The following KATNB1 variants were observed in gnomAD, a reference collection of about 807,000 sequenced individuals.
KATNB1 encodes katanin regulatory subunit B1.
KATNB1 carries 38 observed loss-of-function variants against 82.3 expected under a neutral mutation model. The ratio of observed to expected loss-of-function variants is 0.46; its 90% CI spans 0.36 to 0.61. The LOEUF (loss-of-function observed/expected upper bound fraction) is 0.61. Among genes scored for constraint, KATNB1 ranks in the 20% least tolerant of loss-of-function variants. The pLI is 0.00. For synonymous variants in KATNB1, 361 were observed against 368.7 expected (o/e 0.98, Z 0.24); for missense variants, 749 against 915.7 (o/e 0.82, Z 2.35).
Position 57,755,848 on chromosome 16 carries a change from T to G in KATNB1, c.1574T>G (p.Val525Gly). 6.3e-7 allele frequency: 1 copy of G among 1,588,058 alleles called. No homozygotes were observed. Among genetic ancestry groups the G allele is most frequent in the Non-Finnish European group, 8.6e-7 (1 of 1,160,346 alleles). The change falls in exon 17 of 20, where the codon GTG becomes GGG. Residue 525 changes from valine to glycine, a missense_variant. By Grantham distance (109) the Val-to-Gly change is moderately radical (BLOSUM62 -3). This residue lies in a region of KATNB1 where 407 missense variants were observed against 434.7 expected (regional missense o/e 0.94). Transcript: ENST00000379661. ...GGTGCTCTGTTTGCACAGACGTCGG[T>G]GGACTCCGCTGTGGCCATCAACGAC... ...VWTMGDIKTS[V>G]DSAVAINDLS... is the part of the protein sequence containing the mutation.
At position 57,756,998 on chromosome 16, in the gene KATNB1, C is replaced by G. The variant is rs1399189839; in HGVS notation, c.*52C>G. On this transcript the variant is annotated 3_prime_UTR_variant, in exon 20 of 20. Coordinates refer to ENST00000379661, the MANE Select transcript of KATNB1 (RefSeq NM_005886.3). ...CAGCCCACAGGGCCTGGCCTCAGCCCCCACTCCTGTTCCTTGTGCACCCAC... is the reference window on the plus strand; with the variant it reads ...CAGCCCACAGGGCCTGGCCTCAGCCGCCACTCCTGTTCCTTGTGCACCCAC... 55 of 1,453,276 alleles carry G rather than the reference C, an allele frequency of 3.8e-5. No individual in the cohort carries two copies. The Admixed American group carries it at 1.3e-3, about 36-fold the overall frequency. The allele number at this position is 1,453,276 out of a possible 1,614,324, so 90.0% of individuals were successfully genotyped here.
chr16:57,752,395 C>G, intron 8 of KATNB1, 135 bp from the exon 9 acceptor site: 1 of 823,294 alleles, frequency 1.2e-6, no homozygotes, highest in Non-Finnish European at 1.9e-6. Flanking sequence ...AAGTCAGGGC[C>G]AGCTCTGCCC....
rs1555585416 is a variant in KATNB1 at position 57,755,244 on chromosome 16, T to A, written c.1416+6T>A. 2 of 1,610,494 alleles carry A rather than the reference T, an allele frequency of 1.2e-6. No individual in the cohort carries two copies. Among genetic ancestry groups the A allele is most frequent in the Non-Finnish European group, 1.7e-6 (2 of 1,179,936 alleles). ...AGGCCTCCGACTTCCTGCCCGTGAG[T>A]AGGAGCCCAGCTCGAGGCATGGGTG... On this transcript the variant is annotated splice_donor_region_variant and intron_variant, in intron 15 of 19. Transcript: ENST00000379661.
chr16:57,756,272 C>A lies in KATNB1; in HGVS notation c.1719-84C>A. The A allele has an allele frequency of 3.1e-6, 4 of 1,290,100 alleles. No individual in the cohort carries two copies. The South Asian group carries it at 4.9e-5, about 16-fold the overall frequency. The allele number at this position is 1,290,100 out of a possible 1,614,324, so 79.9% of individuals were successfully genotyped here. A position where few individuals can be genotyped will look rare whatever the true frequency, so the allele number is the denominator to read the frequency against. ...TGGGTGTGTCTGTGTCTGTTTCTGC[C>A]CCTCTCCTCCTTTGTTCCTTGCTGT... is the stretch of plus-strand genomic sequence containing the variant. On this transcript the variant is annotated intron_variant, in intron 18 of 19. Coordinates refer to ENST00000379661, the MANE Select transcript of KATNB1 (RefSeq NM_005886.3).
chr16:57,751,320 C>T lies in KATNB1; in HGVS notation c.432+18C>T, dbSNP rs782152660. 6.8e-6 allele frequency: 11 copies of T among 1,611,192 alleles called. No individual in the cohort carries two copies. Among genetic ancestry groups the T allele is most frequent in the African/African-American group, 6.7e-5 (5 of 74,826 alleles). On this transcript the variant is annotated intron_variant, in intron 6 of 19. Coordinates refer to ENST00000379661, the MANE Select transcript of KATNB1 (RefSeq NM_005886.3). This position sits in a 1 kb window ranked among gnomAD's most constrained non-coding sequence, Gnocchi z 6.3. ...GATACAGGGTAAGGATGCGCTCTGT[C>T]GGTGACTCCATGAGCACCTTGCGGG...
At chr16:57,750,323 G>A (rs1322909544) in intron 4 of KATNB1, among the ~76,000 whole-genome samples, 1 of 152,330 alleles carries the variant, frequency 6.6e-6, no homozygotes, top group East Asian at 1.9e-4. Context: ...CACCTCTCAA[G>A]AGAAATGTGG....
chr16:57,752,409 A>T (rs1292634055), intron 8 of KATNB1, 121 bp from the exon 9 acceptor site: 1 of 872,836 alleles, frequency 1.1e-6, no homozygotes, highest in Non-Finnish European at 1.8e-6. Flanking sequence ...TCTGCCCCAG[A>T]TGTTGCTCCT....
At chr16:57,752,424 G>T in intron 8 of KATNB1, 106 bp from the exon 9 acceptor site, 1 of 996,920 alleles carries the variant, frequency 1.0e-6, no homozygotes, top group Non-Finnish European at 1.5e-6. Context: ...GCTCCTGGTG[G>T]CCCTGCCCTG....
chr16:57,755,283 G>A, intron 15 of KATNB1, 45 bp downstream of exon 15: 1 of 1,610,664 alleles, frequency 6.2e-7, no homozygotes, highest in Non-Finnish European at 8.5e-7. Context: ...GTCTGTGGGT[G>A]GAGGGCAGAG....
chr16:57,741,942 G>A (rs1555579806), intron 3 of KATNB1, 125 bp downstream of exon 3: 2 of 1,183,556 alleles, frequency 1.7e-6, no homozygotes, highest in Non-Finnish European at 2.4e-6. Flanking sequence ...CTATCCGCTG[G>A]GGCCCAGCTC....
rs533042902 is a variant in KATNB1 at position 57,753,039 on chromosome 16, G to A, written c.856-38G>A. On this transcript the variant is annotated intron_variant, in intron 10 of 19. Transcript: ENST00000379661. ...ACTGGGGCTGGGATTTTGCCCCCTC[G>A]GCTTGCAGTCCCAGCCCCACCTCTC... The A allele has an allele frequency of 2.7e-5, 43 of 1,588,538 alleles. No homozygotes were observed. In the African/African-American group the frequency reaches 2.9e-4, roughly 11 times the overall value.
At chr16:57,740,007 G>A (rs2049130367) in intron 2 of KATNB1, among the ~76,000 whole-genome samples, 1 of 152,210 alleles carries the variant, frequency 6.6e-6, no homozygotes, top group African/African-American at 2.4e-5. Flanking sequence ...TGCCTCCACG[G>A]AGAGGACACC....
In KATNB1 at chr16:57,737,283, C is replaced by T. The variant is rs1567894993; in HGVS notation, c.40C>T (p.Gln14Ter). 3 of 1,614,156 alleles carry T rather than the reference C, an allele frequency of 1.9e-6. No homozygotes were observed. The highest frequency in any genetic ancestry group is 1.7e-6 in the Non-Finnish European group (2 of 1,180,026). The stretch of plus-strand genomic sequence containing the variant: ...GGTCACCAAGACAGCCTGGAAGTTG[C>T]GTGAGTGGTTTTCATTTTTCTTTAT... ...PVVTKTAWKL[Q>*]EIVAHASNVS... Residue 14 changes from glutamine to a stop codon, truncating the protein, a stop_gained and splice_region_variant, in exon 2 of 20, where the codon CAA becomes TAA. Transcript: ENST00000379661. LOFTEE classifies it high-confidence loss of function.
chr16:57,751,201 C>T lies in KATNB1; in HGVS notation c.391-60C>T. 2 of 1,510,348 alleles carry T rather than the reference C, an allele frequency of 1.3e-6. No homozygotes were observed. The highest frequency in any genetic ancestry group is 3.3e-5 in the Admixed American group (2 of 59,824). The allele number at this position is 1,510,348 out of a possible 1,614,324, so 93.6% of individuals were successfully genotyped here. ...CCGTCTGCTCACGACTGCACACCTT[C>T]CTCCAGTCGTGGCTCTGACCTCTCC... On this transcript the variant is annotated intron_variant, in intron 5 of 19. Coordinates refer to ENST00000379661, the MANE Select transcript of KATNB1 (RefSeq NM_005886.3). This position sits in a 1 kb window ranked among gnomAD's most constrained non-coding sequence, Gnocchi z 6.3.
At chr16:57,753,868 C>T (rs2049251546) in intron 12 of KATNB1, 77 bp from the exon 13 acceptor site, 23 of 1,399,542 alleles carry the variant, frequency 1.6e-5, no homozygotes, top group Non-Finnish European at 2.0e-5. Flanking sequence ...CTCCGTCCCC[C>T]GCACTCTGGA....
At chr16:57,741,953 A>G in intron 3 of KATNB1, 136 bp downstream of exon 3, 1 of 1,035,676 alleles carries the variant, frequency 9.7e-7, no homozygotes, top group Non-Finnish European at 1.4e-6. Flanking sequence ...GGCCCAGCTC[A>G]GGGGTGGAGG....
In KATNB1 at chr16:57,753,198, T is replaced by C; in HGVS notation, c.977T>C (p.Leu326Pro). ...GACCACCGGCCCCTGGCACAGCCAC[T>C]GCCCAACCCCAGCGCCCCCCTCCGG... ...VQDHRPLAQP[L>P]PNPSAPLRRI... is the part of the protein sequence containing the mutation. The change falls in exon 11 of 20, where the codon CTG becomes CCG. Residue 326 changes from leucine to proline, a missense_variant. Around this residue, in one of 3 missense-constraint regions of KATNB1, gnomAD observed 407 missense variants for 434.7 expected, o/e 0.94. Transcript: ENST00000379661. 1.2e-6 allele frequency: 2 copies of C among 1,609,404 alleles called. No homozygotes were observed. The highest frequency in any genetic ancestry group is 1.7e-6 in the Non-Finnish European group (2 of 1,179,434).
chr16:57,741,633 C>T, intron 2 of KATNB1, 54 bp from the exon 3 acceptor site: 2 of 1,567,186 alleles, frequency 1.3e-6, no homozygotes, highest in Non-Finnish European at 1.7e-6. Flanking sequence ...ACCCCTCCTT[C>T]ACAAGGCCCC....
intron 2 of KATNB1, among the ~76,000 whole-genome samples, chr16:57,741,255 C>G (rs782301231): frequency 6.6e-6 from 1 of 152,068 alleles, no homozygotes; most frequent in Non-Finnish European, 1.5e-5. Flanking sequence ...GTGCATGGGT[C>G]AATTTTTTTT....
Sources: allele counts gnomAD v4.1 joint callset (sites outside exome capture counted in the v4.1 genomes callset), GRCh38; gene constraint gnomAD v4.1.1; regional missense constraint gnomAD v4.1.1; non-coding constraint Gnocchi (gnomAD v3.1); transcripts MANE v1.5; gene names NCBI Gene and HGNC (gene_info 2026-07-23, HGNC 2026-07-21).